The following TEX22 variants were observed in gnomAD, a reference collection of about 807,000 sequenced individuals.
TEX22 encodes testis-expressed protein 22.
Under a neutral mutation model 11.3 loss-of-function variants are expected in TEX22, and 16 were observed. The ratio of observed to expected loss-of-function variants is 1.42; its 90% CI spans 0.96 to 2.15. The LOEUF is 2.15. TEX22 is among the 30% of genes most tolerant of loss of function. The probability of loss-of-function intolerance (pLI) is 0.00; values close to 1 mark genes in which losing one functional copy is unlikely to be tolerated. For synonymous variants in TEX22, 97 were observed against 92.3 expected (o/e 1.05, Z -0.29); for missense variants, 220 against 208.6 (o/e 1.05, Z -0.34).
intron 2 of TEX22, among the ~76,000 whole-genome samples, chr14:105,403,562 A>G (rs1303730020): frequency 2.6e-5 from 4 of 152,224 alleles, no homozygotes; most frequent in Admixed American, 2.6e-4. Context: ...AGCTGGGACC[A>G]CAGTGGCATG....
chr14:105,413,161 T>C lies in TEX22; in HGVS notation c.*1328T>C, dbSNP rs2081705199. The C allele has an allele frequency of 6.6e-6, 1 of 152,188 alleles. No homozygotes were observed. Among genetic ancestry groups the C allele is most frequent in the Non-Finnish European group, 1.5e-5 (1 of 68,104 alleles). The allele number at this position is 152,188 out of a possible 1,614,324, so 9.4% of individuals were successfully genotyped here. ...GATCCTCTGCATTTCTCAGGAGCCC[T>C]AGGGTAGGTGGATGGAGGGCAGATC... is the stretch of plus-strand genomic sequence containing the variant. On this transcript the variant is annotated 3_prime_UTR_variant, in exon 4 of 4. Coordinates refer to ENST00000451127, the MANE Select transcript of TEX22 (RefSeq NM_001195082.2). This position sits in a 1 kb window ranked among gnomAD's most constrained non-coding sequence, Gnocchi z 4.2.
intron 2 of TEX22, among the ~76,000 whole-genome samples, chr14:105,400,747 G>A (rs1159835907): frequency 6.6e-6 from 1 of 152,204 alleles, no homozygotes; most frequent in Non-Finnish European, 1.5e-5. Flanking sequence ...CGAGCAGTGG[G>A]AGAATTAGGT....
In TEX22 at chr14:105,399,326, C is replaced by T. The variant is rs988715892; in HGVS notation, c.-15C>T. The T allele has an allele frequency of 1.6e-5, 25 of 1,534,204 alleles. No individual in the cohort carries two copies. Among genetic ancestry groups the T allele is most frequent in the Admixed American group, 2.0e-5 (1 of 50,830 alleles). On this transcript the variant is annotated 5_prime_UTR_variant, in exon 2 of 4. Coordinates refer to ENST00000451127, the MANE Select transcript of TEX22 (RefSeq NM_001195082.2). ...GATCTCAGAGGTGTGGACAAGCAGC[C>T]TACTAGGGCTAGAGATGGACAGCAG...
intron 2 of TEX22, among the ~76,000 whole-genome samples, chr14:105,406,102 G>A (rs2081657275): frequency 6.6e-6 from 1 of 152,178 alleles, no homozygotes; most frequent in Admixed American, 6.5e-5. Context: ...TAGAGTGCGG[G>A]TCCGTCTCTC....
chr14:105,410,260 A>G (rs1478739587), intron 2 of TEX22, among the ~76,000 whole-genome samples: 1 of 152,136 alleles, frequency 6.6e-6, no homozygotes, highest in Non-Finnish European at 1.5e-5. Context: ...TATTTTTAGT[A>G]GAGATGGGGT....
At position 105,403,527 on chromosome 14, in the gene TEX22, A is replaced by G. The variant is rs1192681323; in HGVS notation, c.150+4037A>G. ...AGCCTGGACCTCCTGGACTCCAGCT[A>G]TCCTCCCACCTCAGCCTCCCAAGTA... On this transcript the variant is annotated intron_variant, in intron 2 of 3. Transcript: ENST00000451127. Among the ~76,000 whole-genome samples the G allele has an allele frequency of 3.9e-5, 6 of 152,192 alleles. No homozygotes were observed. The East Asian group carries it at 7.7e-4, about 20-fold the overall frequency.
At chr14:105,398,703 C>G (rs1254201957) in intron 1 of TEX22, 68 bp downstream of exon 1, 1 of 152,440 alleles carries the variant, frequency 6.6e-6, no homozygotes, top group Admixed American at 6.5e-5. Context: ...CCCGTGTACC[C>G]CGCCCCCCCG....
chr14:105,411,437 C>T lies in TEX22; in HGVS notation c.220C>T (p.Leu74=). The change falls in exon 3 of 4, where the codon CTG becomes TTG. Residue 74 remains leucine, a synonymous_variant. Transcript: ENST00000451127. The stretch of plus-strand genomic sequence containing the variant: ...CGTCAGCATCGACGAGCGCCGGCGG[C>T]TGGCCACGCTGGGCGGCCGGGAGAG... ...WSVSIDERRR[L]ATLGGRERPG... 1 of 1,241,394 alleles carries T rather than the reference C, an allele frequency of 8.1e-7. No homozygotes were observed. Among genetic ancestry groups the T allele is most frequent in the Non-Finnish European group, 1.0e-6 (1 of 996,986 alleles). The allele number at this position is 1,241,394 out of a possible 1,614,324, so 76.9% of individuals were successfully genotyped here.
In TEX22 at chr14:105,399,338, G is replaced by C; in HGVS notation, c.-3G>C. ...GTGGACAAGCAGCCTACTAGGGCTA[G>C]AGATGGACAGCAGGAAACTGTCCCC... On this transcript the variant is annotated 5_prime_UTR_variant, in exon 2 of 4. Transcript: ENST00000451127. 6.5e-7 allele frequency: 1 copy of C among 1,535,136 alleles called. No homozygotes were observed. The highest frequency in any genetic ancestry group is 1.7e-4 in the Middle Eastern group (1 of 5,976).
Position 105,411,471 on chromosome 14 carries a change from C to G in TEX22, c.254C>G (p.Ala85Gly). The change falls in exon 3 of 4, where the codon GCC becomes GGC. Residue 85 changes from alanine to glycine, a missense_variant. Coordinates refer to ENST00000451127, the MANE Select transcript of TEX22 (RefSeq NM_001195082.2). ...CTGGGCGGCCGGGAGAGGCCGGGCG[C>G]CGCCGGGACCCAGCTGCACTGCAGG... ...ATLGGRERPG[A>G]AGTQLHCRDV... 2 of 1,232,970 alleles carry G rather than the reference C, an allele frequency of 1.6e-6. No individual in the cohort carries two copies. The highest frequency in any genetic ancestry group is 2.0e-6 in the Non-Finnish European group (2 of 989,998). 76.4% of individuals were successfully genotyped at this position (1,232,970 alleles called of 1,614,324 possible). A position where few individuals can be genotyped will look rare whatever the true frequency, so the allele number is the denominator to read the frequency against.
rs148382035 is a variant in TEX22, at chr14:105,407,825, C to T, written c.151-3543C>T. Among the ~76,000 whole-genome samples the T allele has an allele frequency of 9.8e-4, 142 of 145,340 alleles. 3 individuals carry two copies. In the East Asian group the frequency reaches 0.018, roughly 19 times the overall value. ...ATTGTGTCACTTTGTAGTTGCAGAACCCTGTGTTATGGGGGTCTGTCTGCA... is the reference window on the plus strand; with the variant it reads ...ATTGTGTCACTTTGTAGTTGCAGAATCCTGTGTTATGGGGGTCTGTCTGCA... On this transcript the variant is annotated intron_variant, in intron 2 of 3. Transcript: ENST00000451127.
At position 105,398,553 on chromosome 14, in the gene TEX22, C is replaced by T. The variant is rs587718262; in HGVS notation, c.-122C>T. ...GGCGGGGCTTGCCGTAGCGGACGTT[C>T]TGGAGCGAGGCGCCGGCCCCTTGGG... On this transcript the variant is annotated 5_prime_UTR_variant, in exon 1 of 4. Coordinates refer to ENST00000451127, the MANE Select transcript of TEX22 (RefSeq NM_001195082.2). The T allele has an allele frequency of 3.3e-5, 5 of 152,340 alleles. No individual in the cohort carries two copies. Among genetic ancestry groups the T allele is most frequent in the African/African-American group, 1.2e-4 (5 of 41,544 alleles). 9.4% of individuals were successfully genotyped at this position (152,340 alleles called of 1,614,324 possible).
Position 105,411,904 on chromosome 14 carries a change from C to A in TEX22, c.*71C>A. On this transcript the variant is annotated 3_prime_UTR_variant, in exon 4 of 4. Coordinates refer to ENST00000451127, the MANE Select transcript of TEX22 (RefSeq NM_001195082.2). The stretch of plus-strand genomic sequence containing the variant: ...GGGCCCACGGTGGGGGCAGCCTCTG[C>A]GCCTTCTTTGTGCCCCACCAGGGGG... 1.5e-6 allele frequency: 2 copies of A among 1,352,450 alleles called. No individual in the cohort carries two copies. Among genetic ancestry groups the A allele is most frequent in the South Asian group, 1.6e-5 (1 of 63,518 alleles). 83.8% of individuals were successfully genotyped at this position (1,352,450 alleles called of 1,614,324 possible).
chr14:105,410,983 C>T (rs1333517102), intron 2 of TEX22, among the ~76,000 whole-genome samples: 1 of 152,188 alleles, frequency 6.6e-6, no homozygotes, highest in Non-Finnish European at 1.5e-5. Context: ...TCAGAGGGGT[C>T]TGGGGAGAAG....
chr14:105,403,191 A>T (rs2081641711), intron 2 of TEX22, among the ~76,000 whole-genome samples: 1 of 152,228 alleles, frequency 6.6e-6, no homozygotes, highest in Non-Finnish European at 1.5e-5. Context: ...GGGTGGGCTG[A>T]CAGCATAACA....
At chr14:105,407,415 C>T (rs2081664125) in intron 2 of TEX22, among the ~76,000 whole-genome samples, 1 of 152,064 alleles carries the variant, frequency 6.6e-6, no homozygotes, top group Admixed American at 6.6e-5. Context: ...GTTGTCTAGG[C>T]TAGAGTGCAG....
intron 2 of TEX22, among the ~76,000 whole-genome samples, chr14:105,403,560 C>G (rs1348845391): frequency 6.6e-6 from 1 of 152,178 alleles, no homozygotes; most frequent in Non-Finnish European, 1.5e-5. Context: ...GTAGCTGGGA[C>G]CACAGTGGCA....
At chr14:105,399,756 A>G (rs115628405) in intron 2 of TEX22, among the ~76,000 whole-genome samples, 2,021 of 152,290 alleles carry the variant, frequency 0.013, 40 homozygotes, top group African/African-American at 0.045. Context: ...GGAAGGAGGC[A>G]AGGCAACACA....
intron 2 of TEX22, among the ~76,000 whole-genome samples, chr14:105,401,287 GTAAA>G (rs782430140): frequency 2.6e-5 from 4 of 152,184 alleles, no homozygotes; most frequent in East Asian, 1.9e-4. Context: ...TTTGAAATCT[GTAAA>G]TAAAGTTCAG....
Sources: gnomAD v4.1 joint callset for allele counts (sites outside exome capture counted in the v4.1 genomes callset) on GRCh38, gnomAD v4.1.1 for gene constraint, Gnocchi (gnomAD v3.1) non-coding constraint, MANE v1.5 for transcripts, NCBI Gene and HGNC (gene_info 2026-07-23, HGNC 2026-07-21) for gene names.